The following HACD2 variants were observed in gnomAD, a reference collection of about 807,000 sequenced individuals.
HACD2 encodes the protein 3-hydroxyacyl-CoA dehydratase 2.
In HACD2, 15 loss-of-function variants were observed where a neutral mutation model predicts 31.0. The ratio of observed to expected loss-of-function variants is 0.48; its 90% CI spans 0.32 to 0.75. The LOEUF (loss-of-function observed/expected upper bound fraction) is 0.75, where lower values mean the gene tolerates loss of function less well. Ranked by LOEUF, HACD2 falls within the 30% of genes least tolerant of loss-of-function variation. HACD2 has a pLI of 0.03. For synonymous variants in HACD2, 115 were observed against 122.2 expected (o/e 0.94, Z 0.39); for missense variants, 283 against 313.0 (o/e 0.90, Z 0.72).
Position 123,495,596 on chromosome 3 carries a change from TAAA to T in HACD2, c.683-629_683-627del, listed in dbSNP as rs57926133. Among the ~76,000 whole-genome samples, 1,109 of 148,152 alleles carry T rather than the reference TAAA, an allele frequency of 7.5e-3. 13 individuals carry two copies. Among genetic ancestry groups the T allele is most frequent in the African/African-American group, 0.022 (860 of 39,930 alleles). Reference sequence around the variant, plus strand: ...ACACAACTAAGCCAGGTTTGGATGTTAAAAAAAAAAAAAAAAGGCCTTATGAAA... The same window carrying T: ...ACACAACTAAGCCAGGTTTGGATGTTAAAAAAAAAAAAAGGCCTTATGAAA... On this transcript the variant is annotated intron_variant, in intron 6 of 6. Transcript: ENST00000383657.
intron 4 of HACD2, among the ~76,000 whole-genome samples, chr3:123,521,096 C>A (rs1476662355): frequency 6.6e-6 from 1 of 152,066 alleles, no homozygotes; most frequent in Non-Finnish European, 1.5e-5. Flanking sequence ...TAAGATACCA[C>A]CCGACAGTAT....
chr3:123,491,575 A>T lies in HACD2; in HGVS notation c.*3313T>A, dbSNP rs1355575368. ...GGTATTTCAAATCCAGGCAGAGCAC[A>T]CACCAGTTTATTTTGAAATGCAACA... On this transcript the variant is annotated 3_prime_UTR_variant, in exon 7 of 7. Transcript: ENST00000383657. 6.6e-6 allele frequency: 1 copy of T among 152,658 alleles called. No individual in the cohort carries two copies. The highest frequency in any genetic ancestry group is 2.4e-5 in the African/African-American group (1 of 41,452). The allele number at this position is 152,658 out of a possible 1,614,324, so 9.5% of individuals were successfully genotyped here.
chr3:123,558,631 A>G (rs2056696201), intron 3 of HACD2, among the ~76,000 whole-genome samples: 1 of 152,226 alleles, frequency 6.6e-6, no homozygotes, highest in African/African-American at 2.4e-5. Flanking sequence ...AAGAGAAAAA[A>G]AATCCTCTCC....
At chr3:123,545,034 CAAAAA>C (rs71142743) in intron 3 of HACD2, among the ~76,000 whole-genome samples, 2 of 45,210 alleles carry the variant, frequency 4.4e-5, no homozygotes, top group Admixed American at 3.0e-4. Context: ...GACCCTGCCT[CAAAAA>C]AAAAAAAAAA....
At chr3:123,532,316 T>C (rs1018481250) in intron 3 of HACD2, among the ~76,000 whole-genome samples, 1 of 152,192 alleles carries the variant, frequency 6.6e-6, no homozygotes, top group Non-Finnish European at 1.5e-5. Context: ...CTCTGTAGCA[T>C]AGACAACTAC....
chr3:123,555,293 CTG>C (rs1325466187), intron 3 of HACD2, among the ~76,000 whole-genome samples: 2 of 152,100 alleles, frequency 1.3e-5, no homozygotes, highest in African/African-American at 2.4e-5. Flanking sequence ...AGAAATAAAA[CTG>C]TCTTTGTTCA....
chr3:123,502,898 C>T, intron 4 of HACD2: 1 of 480,088 alleles, frequency 2.1e-6, no homozygotes, highest in Non-Finnish European at 3.8e-6. Flanking sequence ...GGGCCTCAGT[C>T]ACCAGGAGTG....
intron 3 of HACD2, among the ~76,000 whole-genome samples, chr3:123,556,342 T>TG (rs2056672466): frequency 6.8e-6 from 1 of 148,034 alleles, no homozygotes; most frequent in Non-Finnish European, 1.5e-5. Context: ...GAAGCTGAGG[T>TG]GGGAGGATCA....
chr3:123,554,339 T>A (rs1354378635), intron 3 of HACD2, among the ~76,000 whole-genome samples: 1 of 151,622 alleles, frequency 6.6e-6, no homozygotes. Flanking sequence ...TAAAAAGATA[T>A]AAAGACATAT....
chr3:123,516,630 T>A (rs2107694896), intron 4 of HACD2, among the ~76,000 whole-genome samples: 1 of 152,322 alleles, frequency 6.6e-6, no homozygotes, highest in Middle Eastern at 3.4e-3. Context: ...TTGATGTGAA[T>A]AATGGACTAG....
At chr3:123,584,759 G>T in intron 1 of HACD2, 114 bp downstream of exon 1, 3 of 828,962 alleles carry the variant, frequency 3.6e-6, no homozygotes, top group Non-Finnish European at 3.4e-6. Context: ...GGCACCCCCC[G>T]CCGGGAATGC....
intron 4 of HACD2, among the ~76,000 whole-genome samples, chr3:123,510,251 T>G (rs952134264): frequency 6.6e-6 from 1 of 152,156 alleles, no homozygotes; most frequent in African/African-American, 2.4e-5. Context: ...ATACAGTATA[T>G]GTCTTTATTT....
intron 4 of HACD2, among the ~76,000 whole-genome samples, chr3:123,513,730 C>T (rs868590021): frequency 6.6e-6 from 1 of 152,076 alleles, no homozygotes; most frequent in Non-Finnish European, 1.5e-5. Flanking sequence ...AGACCTGGAA[C>T]GCAGAAGATA....
At chr3:123,574,706 T>C (rs1313747666) in intron 2 of HACD2, among the ~76,000 whole-genome samples, 1 of 152,172 alleles carries the variant, frequency 6.6e-6, no homozygotes. Flanking sequence ...TATAAATATA[T>C]ACTAAAGTAT....
intron 3 of HACD2, among the ~76,000 whole-genome samples, chr3:123,544,742 T>C (rs6802198): frequency 0.08 from 12,175 of 152,200 alleles, 1,133 homozygotes; most frequent in East Asian, 0.25. Flanking sequence ...AATATACTTA[T>C]TCATACTGAA....
At chr3:123,530,650 G>T (rs570823165) in intron 3 of HACD2, among the ~76,000 whole-genome samples, 1 of 152,090 alleles carries the variant, frequency 6.6e-6, no homozygotes, top group South Asian at 2.1e-4. Flanking sequence ...CTTGTGATCC[G>T]CCTGCCTTGG....
At chr3:123,502,776 C>T in intron 4 of HACD2, 95 bp from the exon 5 acceptor site, 1 of 1,315,558 alleles carries the variant, frequency 7.6e-7, no homozygotes, top group South Asian at 1.4e-5. Context: ...TGAGTCGGCA[C>T]AGCCGCTGGT....
intron 4 of HACD2, among the ~76,000 whole-genome samples, chr3:123,515,570 G>C (rs1230692247): frequency 6.6e-6 from 1 of 152,092 alleles, no homozygotes; most frequent in Non-Finnish European, 1.5e-5. Flanking sequence ...GCTTGGGCTC[G>C]AGAACAGGGC....
intron 6 of HACD2, chr3:123,499,540 T>G: frequency 4.7e-6 from 2 of 421,448 alleles, no homozygotes; most frequent in Middle Eastern, 6.9e-4. Context: ...ATGCATGAAA[T>G]GCAATTTTCC....
Sources: gnomAD v4.1 joint callset for allele counts (sites outside exome capture counted in the v4.1 genomes callset) on GRCh38, gnomAD v4.1.1 for gene constraint, MANE v1.5 for transcripts, NCBI Gene and HGNC (gene_info 2026-07-23, HGNC 2026-07-21) for gene names.